The following SORCS3 variants were observed in gnomAD, a reference collection of about 807,000 sequenced individuals.
SORCS3 encodes sortilin related VPS10 domain containing receptor 3.
A neutral mutation model predicts 146.3 loss-of-function variants in SORCS3; 57 were observed. That is an observed-to-expected ratio of 0.39 (90% CI 0.31 to 0.49). SORCS3 has a LOEUF of 0.49. Among genes scored for constraint, SORCS3 ranks in the 20% least tolerant of loss-of-function variants. The pLI is 0.92. For synonymous variants in SORCS3, 653 were observed against 618.5 expected (o/e 1.06, Z -0.83); for missense variants, 1,341 against 1,575.5 (o/e 0.85, Z 2.52).
chr10:105,226,437 G>A (rs1050491001), intron 20 of SORCS3, among the ~76,000 whole-genome samples: 4 of 151,754 alleles, frequency 2.6e-5, no homozygotes, highest in Non-Finnish European at 2.9e-5. Context: ...TTTTTCTGAC[G>A]TGCTGTTGGA....
chr10:104,812,060 G>T (rs146034532), intron 1 of SORCS3, among the ~76,000 whole-genome samples: 309 of 151,934 alleles, frequency 2.0e-3, no homozygotes, highest in Middle Eastern at 0.01. Context: ...ATGCCAAAGA[G>T]AAAAAAAATA....
chr10:104,813,287 C>T (rs1221485333), intron 1 of SORCS3, among the ~76,000 whole-genome samples: 1 of 152,206 alleles, frequency 6.6e-6, no homozygotes, highest in Non-Finnish European at 1.5e-5. Flanking sequence ...TGTGACTTCA[C>T]ATTGTGAAAG....
At chr10:104,710,660 A>T (rs1243674692) in intron 1 of SORCS3, among the ~76,000 whole-genome samples, 3 of 152,178 alleles carry the variant, frequency 2.0e-5, no homozygotes, top group Non-Finnish European at 2.9e-5. Context: ...TCATCTTCAG[A>T]TCAAACCCCC....
At chr10:105,241,214 G>A (rs1245384928) in intron 20 of SORCS3, among the ~76,000 whole-genome samples, 1 of 152,170 alleles carries the variant, frequency 6.6e-6, no homozygotes, top group Non-Finnish European at 1.5e-5. Context: ...TCGCAGCAGT[G>A]GTGTTCCCTC....
chr10:104,912,485 C>T (rs553782515), intron 2 of SORCS3, among the ~76,000 whole-genome samples: 23 of 152,296 alleles, frequency 1.5e-4, no homozygotes, highest in African/African-American at 4.8e-4. Flanking sequence ...CTAGGACAGA[C>T]CTTGCTAGAC....
At chr10:105,016,155 ATTT>A (rs10625699) in intron 4 of SORCS3, among the ~76,000 whole-genome samples, 5 of 101,342 alleles carry the variant, frequency 4.9e-5, no homozygotes, top group Admixed American at 1.0e-4. Context: ...ATATATATAT[ATTT>A]TTTTTTTTTT....
intron 5 of SORCS3, among the ~76,000 whole-genome samples, chr10:105,075,059 T>C (rs1450487861): frequency 2.0e-5 from 3 of 152,248 alleles, no homozygotes; most frequent in East Asian, 3.9e-4. Context: ...CATCCTCCCA[T>C]CCTCCCAAGC....
At chr10:105,143,416 C>T (rs1241248204) in intron 8 of SORCS3, among the ~76,000 whole-genome samples, 1 of 152,126 alleles carries the variant, frequency 6.6e-6, no homozygotes, top group Non-Finnish European at 1.5e-5. Context: ...CTCCATTGAA[C>T]TCTAGACCAC....
chr10:104,696,061 T>TAA (rs1276136782), intron 1 of SORCS3, among the ~76,000 whole-genome samples: 3 of 121,736 alleles, frequency 2.5e-5, no homozygotes, highest in African/African-American at 6.4e-5. Flanking sequence ...TATACACATA[T>TAA]TATATATAAT....
chr10:104,958,822 G>C (rs1008338526), intron 3 of SORCS3, among the ~76,000 whole-genome samples: 1 of 152,166 alleles, frequency 6.6e-6, no homozygotes, highest in East Asian at 1.9e-4. Context: ...GGAAGGTGAA[G>C]GGGAAGCAAG....
chr10:104,870,457 A>G (rs2018507472), intron 2 of SORCS3, among the ~76,000 whole-genome samples: 1 of 151,818 alleles, frequency 6.6e-6, no homozygotes, highest in East Asian at 1.9e-4. Flanking sequence ...TTTTCTTGTT[A>G]ACAACTATTG....
intron 6 of SORCS3, among the ~76,000 whole-genome samples, chr10:105,103,109 T>A (rs575129330): frequency 6.6e-6 from 1 of 152,228 alleles, no homozygotes; most frequent in East Asian, 1.9e-4. Flanking sequence ...CATTTAGCTT[T>A]TCTTAGAGAC....
At chr10:104,733,991 C>A (rs934898661) in intron 1 of SORCS3, among the ~76,000 whole-genome samples, 31 of 152,152 alleles carry the variant, frequency 2.0e-4, no homozygotes, top group Admixed American at 5.2e-4. Flanking sequence ...TTTGTTTTAG[C>A]AATCTGCCCT....
At chr10:104,815,009 G>A (rs1047926498) in intron 1 of SORCS3, among the ~76,000 whole-genome samples, 1 of 152,138 alleles carries the variant, frequency 6.6e-6, no homozygotes, top group African/African-American at 2.4e-5. Flanking sequence ...TGGAGGAAGA[G>A]GGAAGACACA....
At chr10:105,261,092 A>G (rs2056957733) in intron 25 of SORCS3, among the ~76,000 whole-genome samples, 1 of 152,194 alleles carries the variant, frequency 6.6e-6, no homozygotes, top group Non-Finnish European at 1.5e-5. Flanking sequence ...AGGATAGAAA[A>G]CATAGACCTT....
chr10:104,977,299 ACT>A (rs779232713), intron 3 of SORCS3, 34 bp from the exon 4 acceptor site: 7 of 1,519,448 alleles, frequency 4.6e-6, no homozygotes. Context: ...TTTCCTACTA[ACT>A]CTGTCTGTAT....
intron 3 of SORCS3, among the ~76,000 whole-genome samples, chr10:104,942,431 G>A (rs1348080230): frequency 6.6e-6 from 1 of 152,088 alleles, no homozygotes; most frequent in Non-Finnish European, 1.5e-5. Context: ...GAAGAAAGAA[G>A]ACTTTCCAGC....
intron 1 of SORCS3, among the ~76,000 whole-genome samples, chr10:104,693,843 A>G (rs758812230): frequency 6.6e-6 from 1 of 152,086 alleles, no homozygotes; most frequent in Non-Finnish European, 1.5e-5. Flanking sequence ...CTCTTCCCCC[A>G]TGTGCCAAAA....
At position 105,216,115 on chromosome 10, in the gene SORCS3, T is replaced by C. The variant is rs529802547; in HGVS notation, c.2548-821T>C. ...TACCAGGTAGTACACAGAGAGCTCT[T>C]TCCAAGAGACAGAGATATCTGTGAA... On this transcript the variant is annotated intron_variant, in intron 18 of 26. Transcript: ENST00000369701. 2.9e-3 allele frequency among the ~76,000 whole-genome samples: 443 copies of C among 152,074 alleles called. 1 individual carries two copies. The highest frequency in any genetic ancestry group is 6.8e-3 in the Middle Eastern group (2 of 294).
Sources: allele counts gnomAD v4.1 joint callset (sites outside exome capture counted in the v4.1 genomes callset), GRCh38; gene constraint gnomAD v4.1.1; transcripts MANE v1.5; gene names NCBI Gene and HGNC (gene_info 2026-07-23, HGNC 2026-07-21).